Variants in DIAPH3 observed in about 807,000 individuals in gnomAD.
DIAPH3 encodes protein diaphanous homolog 3.
DIAPH3 carries 117 observed loss-of-function variants against 144.3 expected under a neutral mutation model. The ratio of observed to expected loss-of-function variants is 0.81; its 90% confidence interval spans 0.70 to 0.95. DIAPH3 has a LOEUF of 0.95. DIAPH3 is among the 40% of genes least tolerant of loss of function. The pLI is 0.00. For synonymous variants in DIAPH3, 519 were observed against 488.9 expected (o/e 1.06, Z -0.81); for missense variants, 1,421 against 1,412.7 (o/e 1.01, Z -0.09).
chr13:60,024,406 T>C (rs1227286547), intron 5 of DIAPH3, among the ~76,000 whole-genome samples: 2 of 152,208 alleles, frequency 1.3e-5, no homozygotes, highest in East Asian at 3.8e-4. Flanking sequence ...GCTTTTTACT[T>C]CAGTTATTGT....
intron 4 of DIAPH3, among the ~76,000 whole-genome samples, chr13:60,087,535 T>G (rs1594629291): frequency 6.6e-6 from 1 of 152,370 alleles, no homozygotes; most frequent in East Asian, 1.9e-4. Flanking sequence ...TTAGTCTTTA[T>G]GCCTCGTAAA....
At chr13:60,132,808 A>T in intron 2 of DIAPH3, 149 bp downstream of exon 2, 4 of 599,506 alleles carry the variant, frequency 6.7e-6, no homozygotes, top group South Asian at 5.0e-5. Context: ...GTATTTTACC[A>T]GTTCTGCCTC....
At chr13:59,783,731 T>C (rs1439750990) in intron 25 of DIAPH3, among the ~76,000 whole-genome samples, 2 of 152,210 alleles carry the variant, frequency 1.3e-5, no homozygotes, top group African/African-American at 4.8e-5. Flanking sequence ...ACAGCACCTA[T>C]TTCACAAAAT....
At chr13:59,873,153 G>A (rs2044381479) in intron 21 of DIAPH3, among the ~76,000 whole-genome samples, 1 of 152,144 alleles carries the variant, frequency 6.6e-6, no homozygotes, top group Non-Finnish European at 1.5e-5. Context: ...TGATTTAACT[G>A]GCTGCATGTA....
At chr13:60,115,513 TACA>T (rs2058680700) in intron 2 of DIAPH3, among the ~76,000 whole-genome samples, 1 of 152,196 alleles carries the variant, frequency 6.6e-6, no homozygotes, top group African/African-American at 2.4e-5. Flanking sequence ...CAGAGGTGAC[TACA>T]ACATTAATAG....
chr13:60,158,414 T>C (rs1952127461), intron 1 of DIAPH3, among the ~76,000 whole-genome samples: 1 of 152,214 alleles, frequency 6.6e-6, no homozygotes, highest in South Asian at 2.1e-4. Flanking sequence ...TGCAACACAC[T>C]GGCTGGTATA....
chr13:59,924,702 G>T, intron 18 of DIAPH3, 73 bp downstream of exon 18: 12 of 1,542,584 alleles, frequency 7.8e-6, no homozygotes, highest in Non-Finnish European at 1.1e-5. Context: ...TGAATAATCG[G>T]TCTTAAAGAA....
chr13:59,885,421 A>G (rs2140093273), intron 20 of DIAPH3, among the ~76,000 whole-genome samples: 1 of 147,134 alleles, frequency 6.8e-6, no homozygotes, highest in East Asian at 2.1e-4. Flanking sequence ...TATACGGTAA[A>G]CAGTTTATAT....
intron 9 of DIAPH3, among the ~76,000 whole-genome samples, chr13:60,000,004 G>A (rs1350349108): frequency 6.6e-6 from 1 of 152,112 alleles, no homozygotes; most frequent in Non-Finnish European, 1.5e-5. Context: ...GTATTTAACA[G>A]AACACTTTTG....
At chr13:60,151,150 T>C (rs1412168441) in intron 1 of DIAPH3, among the ~76,000 whole-genome samples, 1 of 151,074 alleles carries the variant, frequency 6.6e-6, no homozygotes, top group East Asian at 2.0e-4. Flanking sequence ...GAGGTTAAAA[T>C]ACTGTCAATA....
chr13:59,773,874 AC>A (rs1199726336), intron 27 of DIAPH3, among the ~76,000 whole-genome samples: 4 of 152,176 alleles, frequency 2.6e-5, no homozygotes, highest in Admixed American at 6.5e-5. Context: ...TAAGTCCACT[AC>A]TTTAAAAAGT....
At chr13:59,981,964 G>A (rs1358635588) in intron 13 of DIAPH3, among the ~76,000 whole-genome samples, 1 of 151,432 alleles carries the variant, frequency 6.6e-6, no homozygotes, top group Non-Finnish European at 1.5e-5. Context: ...TTGCTCCAGA[G>A]CATGAAATAT....
At chr13:60,104,904 G>A (rs1481327523) in intron 3 of DIAPH3, among the ~76,000 whole-genome samples, 1 of 151,944 alleles carries the variant, frequency 6.6e-6, no homozygotes, top group East Asian at 1.9e-4. Flanking sequence ...GACCATCCTG[G>A]CTAACACGGT....
chr13:60,054,638 A>C (rs989534866), intron 4 of DIAPH3, among the ~76,000 whole-genome samples: 1 of 152,078 alleles, frequency 6.6e-6, no homozygotes, highest in African/African-American at 2.4e-5. Context: ...AATAGTTTGC[A>C]CTGGTAGGGA....
At chr13:59,938,984 A>C (rs2048390329) in intron 17 of DIAPH3, among the ~76,000 whole-genome samples, 1 of 152,178 alleles carries the variant, frequency 6.6e-6, no homozygotes, top group Admixed American at 6.5e-5. Flanking sequence ...AACATTTAAA[A>C]ATAGAAAAAA....
At chr13:59,816,508 AT>A (rs2040779069) in intron 24 of DIAPH3, among the ~76,000 whole-genome samples, 1 of 151,222 alleles carries the variant, frequency 6.6e-6, no homozygotes, top group African/African-American at 2.4e-5. Flanking sequence ...CCTCAATATT[AT>A]TTATCTTCTC....
At chr13:60,079,445 G>A (rs1566746334) in intron 4 of DIAPH3, among the ~76,000 whole-genome samples, 3 of 151,790 alleles carry the variant, frequency 2.0e-5, no homozygotes, top group Admixed American at 1.3e-4. Context: ...AATATTATTA[G>A]GGCTTAAGAA....
intron 22 of DIAPH3, among the ~76,000 whole-genome samples, chr13:59,852,115 A>G (rs893020011): frequency 2.0e-5 from 3 of 152,136 alleles, no homozygotes; most frequent in Admixed American, 1.3e-4. Flanking sequence ...TTTCCATAAA[A>G]TATGGTTTGA....
chr13:59,832,410 G>A (rs775126418), intron 24 of DIAPH3, among the ~76,000 whole-genome samples: 51 of 151,408 alleles, frequency 3.4e-4, no homozygotes, highest in Admixed American at 3.2e-3. Context: ...CTTTTTAATC[G>A]CCACAAACAA....
Sources: gnomAD v4.1 joint callset for allele counts (sites outside exome capture counted in the v4.1 genomes callset) on GRCh38, gnomAD v4.1.1 for gene constraint, MANE v1.5 for transcripts, NCBI Gene and HGNC (gene_info 2026-07-23, HGNC 2026-07-21) for gene names.